Variants in PPIB observed in about 807,000 individuals in gnomAD.
PPIB encodes peptidylprolyl isomerase B.
PPIB carries 15 observed loss-of-function variants against 20.1 expected under a neutral mutation model. The ratio of observed to expected loss-of-function variants is 0.75; its 90% CI spans 0.50 to 1.15. The LOEUF (loss-of-function observed/expected upper bound fraction) is 1.15, where lower values mean the gene tolerates loss of function less well. PPIB is among the 50% of genes most tolerant of loss of function. PPIB has a pLI of 0.00. For missense variants in PPIB, 278 were observed against 283.0 expected (o/e 0.98, Z 0.13); for synonymous variants, 129 against 111.0 (o/e 1.16, Z -1.02).
chr15:64,162,686 G>A (rs2081569464), intron 1 of PPIB, among the ~76,000 whole-genome samples, 166 bp downstream of exon 1: 1 of 152,218 alleles, frequency 6.6e-6, no homozygotes, highest in African/African-American at 2.4e-5. Context: ...CAGGGGCTGG[G>A]GGTGTCGGGG....
chr15:64,156,309 G>A lies in PPIB; in HGVS notation c.529-164C>T. The A allele has an allele frequency of 5.4e-6, 5 of 931,962 alleles. No homozygotes were observed. The highest frequency in any genetic ancestry group is 1.6e-5 in the African/African-American group (1 of 61,342). The allele number at this position is 931,962 out of a possible 1,614,324, so 57.7% of individuals were successfully genotyped here. A position where few individuals can be genotyped will look rare whatever the true frequency, so the allele number is the denominator to read the frequency against. On this transcript the variant is annotated intron_variant, in intron 4 of 4. Coordinates refer to ENST00000300026, the MANE Select transcript of PPIB (RefSeq NM_000942.5). The surrounding 1 kb of genome is among the most constrained non-coding windows in gnomAD (Gnocchi z 6.4). ...CTAACAGACTCCTGGCCAGAGCAGG[G>A]AGAATGCAGATTTGACGAGGGGGTA...
rs761972288 is a variant in PPIB at position 64,156,718 on chromosome 15, A to G, written c.528+7T>C. ...GCCCAGTAGTAGCCCTTGCTTCCAC[A>G]ACTCACCATGCCCTCTAGAACTTTG... is the stretch of plus-strand genomic sequence containing the variant. On this transcript the variant is annotated splice_region_variant and intron_variant, in intron 4 of 4. Transcript: ENST00000300026. The surrounding 1 kb of genome is among the most constrained non-coding windows in gnomAD (Gnocchi z 6.4). The G allele has an allele frequency of 1.2e-6, 2 of 1,614,138 alleles. No homozygotes were observed. Among genetic ancestry groups the G allele is most frequent in the South Asian group, 2.2e-5 (2 of 91,074 alleles).
rs138741187 is a variant in PPIB at position 64,156,896 on chromosome 15, G to A, written c.357C>T (p.Tyr119=). The change falls in exon 4 of 5, where the codon TAC becomes TAT. Residue 119 remains tyrosine (Y), a synonymous_variant. Transcript: ENST00000300026. This position sits in a 1 kb window ranked among gnomAD's most constrained non-coding sequence, Gnocchi z 6.4. The part of the protein sequence containing the change: ...RGDGTGGKSI[Y]GERFPDENFK... ...AGTTCTCATCGGGGAAGCGCTCACC[G>A]TAGATGCTCTTTCCTGGGAAAAAAG... is the stretch of plus-strand genomic sequence containing the variant. 2.8e-5 allele frequency: 45 copies of A among 1,614,004 alleles called. No individual in the cohort carries two copies. The highest frequency in any genetic ancestry group is 1.7e-4 in the African/African-American group (13 of 74,918).
In PPIB at chr15:64,156,330, G is replaced by A. The variant is rs890861630; in HGVS notation, c.529-185C>T. On this transcript the variant is annotated intron_variant, in intron 4 of 4. Coordinates refer to ENST00000300026, the MANE Select transcript of PPIB (RefSeq NM_000942.5). This position sits in a 1 kb window ranked among gnomAD's most constrained non-coding sequence, Gnocchi z 6.4. The stretch of plus-strand genomic sequence containing the variant: ...CAGGGAGAATGCAGATTTGACGAGG[G>A]GGTACAGGAATTTTGTTCCTTTGAA... The A allele has an allele frequency of 1.2e-6, 1 of 822,100 alleles. No individual in the cohort carries two copies. The highest frequency in any genetic ancestry group is 1.7e-5 in the African/African-American group (1 of 59,252). The allele number at this position is 822,100 out of a possible 1,614,324, so 50.9% of individuals were successfully genotyped here. A position where few individuals can be genotyped will look rare whatever the true frequency, so the allele number is the denominator to read the frequency against.
Position 64,161,952 on chromosome 15 carries a change from A to G in PPIB, c.249+89T>C. The G allele has an allele frequency of 1.1e-6, 1 of 925,706 alleles. No individual in the cohort carries two copies. Among genetic ancestry groups the G allele is most frequent in the Non-Finnish European group, 1.8e-6 (1 of 553,822 alleles). The allele number at this position is 925,706 out of a possible 1,614,324, so 57.3% of individuals were successfully genotyped here. On this transcript the variant is annotated intron_variant, in intron 2 of 4. Transcript: ENST00000300026. The surrounding 1 kb of genome is among the most constrained non-coding windows in gnomAD (Gnocchi z 4.2). Reference sequence around the variant, plus strand: ...GTGCTCAGTGAGGTCCACGCTACAGATCGGCTGAACTCTGCAGGTCAGTTT... The same window carrying G: ...GTGCTCAGTGAGGTCCACGCTACAGGTCGGCTGAACTCTGCAGGTCAGTTT...
chr15:64,156,021 C>T lies in PPIB; in HGVS notation c.*2G>A. 12 of 1,614,142 alleles carry T rather than the reference C, an allele frequency of 7.4e-6. No individual in the cohort carries two copies. The highest frequency in any genetic ancestry group is 1.0e-5 in the Non-Finnish European group (12 of 1,180,020). On this transcript the variant is annotated 3_prime_UTR_variant, in exon 5 of 5. Transcript: ENST00000300026. This position sits in a 1 kb window ranked among gnomAD's most constrained non-coding sequence, Gnocchi z 6.4. ...TCACTCAAAGAAAGATGTCCCTGTGCCCTACTCCTTGGCGATGGCAAAGGG... is the reference window on the plus strand; with the variant it reads ...TCACTCAAAGAAAGATGTCCCTGTGTCCTACTCCTTGGCGATGGCAAAGGG...
rs2081558273 is a variant in PPIB, at chr15:64,160,285, ACTC to A, written c.250-91_250-89del. On this transcript the variant is annotated intron_variant, in intron 2 of 4. Transcript: ENST00000300026. The surrounding 1 kb of genome is among the most constrained non-coding windows in gnomAD (Gnocchi z 4.8). ...TAGGCCTCACAGGAACAAGTCCACAACTCCTGCTCGCAGAAGAGACACCACTGC... is the reference window on the plus strand; with the variant it reads ...TAGGCCTCACAGGAACAAGTCCACAACTGCTCGCAGAAGAGACACCACTGC... 3.8e-6 allele frequency: 4 copies of A among 1,066,376 alleles called. No individual in the cohort carries two copies. Among genetic ancestry groups the A allele is most frequent in the African/African-American group, 3.1e-5 (2 of 63,950 alleles). 66.1% of individuals were successfully genotyped at this position (1,066,376 alleles called of 1,614,324 possible). A position where few individuals can be genotyped will look rare whatever the true frequency, so the allele number is the denominator to read the frequency against.
rs2081539464 is a variant in PPIB at position 64,157,158 on chromosome 15, T to C, written c.344-249A>G. ...TCACAGAAGGATTACTTTGAGAAGA[T>C]AGTTTTGTGGCTTTTAAATAAGGCG... On this transcript the variant is annotated intron_variant, in intron 3 of 4. Transcript: ENST00000300026. This position sits in a 1 kb window ranked among gnomAD's most constrained non-coding sequence, Gnocchi z 4.2. The C allele has an allele frequency of 1.8e-6, 1 of 566,472 alleles. No homozygotes were observed. Among genetic ancestry groups the C allele is most frequent in the South Asian group, 2.2e-5 (1 of 46,368 alleles). 35.1% of individuals were successfully genotyped at this position (566,472 alleles called of 1,614,324 possible).
rs761099119 is a variant in PPIB, at chr15:64,162,076, T to A, written c.214A>T (p.Thr72Ser). The A allele has an allele frequency of 1.2e-6, 2 of 1,613,976 alleles. No homozygotes were observed. Residue 72 changes from threonine to serine, a missense_variant, in exon 2 of 5, where the codon ACA (threonine) becomes TCA (serine). Physicochemically the swap from Thr to Ser is moderately conservative, Grantham distance 58. Transcript: ENST00000300026. ...FGLFGKTVPK[T>S]VDNFVALATG... ...GCTAAGGCCACAAAATTATCCACTG[T>A]TTTTGGAACAGTCTTTCCGAAGAGA... is the stretch of plus-strand genomic sequence containing the variant.
Position 64,161,758 on chromosome 15 carries a change from A to G in PPIB, c.249+283T>C, listed in dbSNP as rs1281670039. Among the ~76,000 whole-genome samples the G allele has an allele frequency of 6.6e-6, 1 of 151,934 alleles. No individual in the cohort carries two copies. Among genetic ancestry groups the G allele is most frequent in the Non-Finnish European group, 1.5e-5 (1 of 67,970 alleles). On this transcript the variant is annotated intron_variant, in intron 2 of 4. Transcript: ENST00000300026. The surrounding 1 kb of genome is among the most constrained non-coding windows in gnomAD (Gnocchi z 4.2). Reference sequence around the variant, plus strand: ...AAAAAAAATTTGCGGGGGTAGAGACAGGGTCTTGCTATGTTGCTCAGGTTG... The same window carrying G: ...AAAAAAAATTTGCGGGGGTAGAGACGGGGTCTTGCTATGTTGCTCAGGTTG...
rs903613138 is a variant in PPIB, at chr15:64,160,022, C to A, written c.343+82G>T. ...CCTCTAGAGCTGGGGAAGAAAGAGG[C>A]CTGGTCTCCCCAGCAGAACCTGGCC... On this transcript the variant is annotated intron_variant, in intron 3 of 4. Coordinates refer to ENST00000300026, the MANE Select transcript of PPIB (RefSeq NM_000942.5). This position sits in a 1 kb window ranked among gnomAD's most constrained non-coding sequence, Gnocchi z 4.8. 8.2e-7 allele frequency: 1 copy of A among 1,218,664 alleles called. No homozygotes were observed. Among genetic ancestry groups the A allele is most frequent in the Admixed American group, 1.7e-5 (1 of 58,610 alleles). 75.5% of individuals were successfully genotyped at this position (1,218,664 alleles called of 1,614,324 possible).
At position 64,158,549 on chromosome 15, in the gene PPIB, C is replaced by T. The variant is rs2081548070; in HGVS notation, c.343+1555G>A. ...GCCTGCCTGCCCTAGCCTCCACATCCTGGATCTGCCACCACATGACTCCCC... is the reference window on the plus strand; with the variant it reads ...GCCTGCCTGCCCTAGCCTCCACATCTTGGATCTGCCACCACATGACTCCCC... On this transcript the variant is annotated intron_variant, in intron 3 of 4. Coordinates refer to ENST00000300026, the MANE Select transcript of PPIB (RefSeq NM_000942.5). The surrounding 1 kb of genome is among the most constrained non-coding windows in gnomAD (Gnocchi z 4.7). Among the ~76,000 whole-genome samples the T allele has an allele frequency of 6.6e-6, 1 of 152,238 alleles. No individual in the cohort carries two copies. Among genetic ancestry groups the T allele is most frequent in the African/African-American group, 2.4e-5 (1 of 41,460 alleles).
Position 64,156,290 on chromosome 15 carries a change from G to C in PPIB, c.529-145C>G. The C allele has an allele frequency of 9.5e-7, 1 of 1,051,868 alleles. No homozygotes were observed. The highest frequency in any genetic ancestry group is 1.3e-5 in the South Asian group (1 of 74,774). The allele number at this position is 1,051,868 out of a possible 1,614,324, so 65.2% of individuals were successfully genotyped here. On this transcript the variant is annotated intron_variant, in intron 4 of 4. Coordinates refer to ENST00000300026, the MANE Select transcript of PPIB (RefSeq NM_000942.5). The surrounding 1 kb of genome is among the most constrained non-coding windows in gnomAD (Gnocchi z 6.4). ...AACTGGAGGCACCAAAATTCTAACA[G>C]ACTCCTGGCCAGAGCAGGGAGAATG...
chr15:64,157,825 C>CTGAT lies in PPIB; in HGVS notation c.344-920_344-917dup. ...ACAGATGCCAACCAGGAAGATGTTTCTGATTGGGCAGCAGGTAGGATGACT... is the reference window on the plus strand; with the variant it reads ...ACAGATGCCAACCAGGAAGATGTTTCTGATTGATTGGGCAGCAGGTAGGATGACT... On this transcript the variant is annotated intron_variant, in intron 3 of 4. Coordinates refer to ENST00000300026, the MANE Select transcript of PPIB (RefSeq NM_000942.5). This position sits in a 1 kb window ranked among gnomAD's most constrained non-coding sequence, Gnocchi z 4.2. Among the ~76,000 whole-genome samples, 1 of 152,316 alleles carries CTGAT rather than the reference C, an allele frequency of 6.6e-6. No homozygotes were observed. The highest frequency in any genetic ancestry group is 1.9e-4 in the East Asian group (1 of 5,182).
rs773405777 is a variant in PPIB, at chr15:64,156,819, T to C, written c.434A>G (p.Lys145Arg). 5.0e-6 allele frequency: 8 copies of C among 1,614,212 alleles called. No individual in the cohort carries two copies. Among genetic ancestry groups the C allele is most frequent in the Non-Finnish European group, 5.9e-6 (7 of 1,180,028 alleles). The change falls in exon 4 of 5, where the codon AAA (lysine) becomes AGA (arginine). Residue 145 changes from lysine (K) to arginine (R), a missense_variant. Physicochemically the swap from Lys to Arg is conservative, Grantham distance 26. Coordinates refer to ENST00000300026, the MANE Select transcript of PPIB (RefSeq NM_000942.5). The surrounding 1 kb of genome is among the most constrained non-coding windows in gnomAD (Gnocchi z 6.4). ...GAAGAACTGGGAGCCGTTGGTGTCT[T>C]TGCCTGCGTTGGCCATGCTCACCCA... is the stretch of plus-strand genomic sequence containing the variant. ...PGWVSMANAG[K>R]DTNGSQFFIT...
At position 64,156,941 on chromosome 15, in the gene PPIB, C is replaced by T. The variant is rs775555112; in HGVS notation, c.344-32G>A. 6.2e-7 allele frequency: 1 copy of T among 1,609,740 alleles called. No individual in the cohort carries two copies. The highest frequency in any genetic ancestry group is 1.1e-5 in the South Asian group (1 of 90,944). The stretch of plus-strand genomic sequence containing the variant: ...AAAAAGACAGAGCAGGTCAGGGGCG[C>T]TGGATTGCGCCAAACCAAGCAGACA... On this transcript the variant is annotated intron_variant, in intron 3 of 4. Transcript: ENST00000300026. The surrounding 1 kb of genome is among the most constrained non-coding windows in gnomAD (Gnocchi z 6.4).
Position 64,155,961 on chromosome 15 carries a change from A to C in PPIB, c.*62T>G. ...CAGCACCGGGGCCAGTGCAGCTCAG[A>C]GCCCTGTGGCGGACTACAGGGCCTG... On this transcript the variant is annotated 3_prime_UTR_variant, in exon 5 of 5. Coordinates refer to ENST00000300026, the MANE Select transcript of PPIB (RefSeq NM_000942.5). 1 of 1,612,118 alleles carries C rather than the reference A, an allele frequency of 6.2e-7. No homozygotes were observed. Among genetic ancestry groups the C allele is most frequent in the South Asian group, 1.1e-5 (1 of 91,038 alleles).
rs749807799 is a variant in PPIB at position 64,161,386 on chromosome 15, G to A, written c.249+655C>T. 2.6e-5 allele frequency among the ~76,000 whole-genome samples: 4 copies of A among 151,924 alleles called. No homozygotes were observed. Among genetic ancestry groups the A allele is most frequent in the East Asian group, 1.9e-4 (1 of 5,170 alleles). On this transcript the variant is annotated intron_variant, in intron 2 of 4. Transcript: ENST00000300026. This position sits in a 1 kb window ranked among gnomAD's most constrained non-coding sequence, Gnocchi z 4.2. ...TTTCACTTCAGCCTCCTGAGTAGCT[G>A]TAGCTGGGACCACAGGTGCACCCCG...
rs773782683 is a variant in PPIB at position 64,158,787 on chromosome 15, G to C, written c.343+1317C>G. Among the ~76,000 whole-genome samples the C allele has an allele frequency of 7.9e-5, 12 of 152,192 alleles. No individual in the cohort carries two copies. Among genetic ancestry groups the C allele is most frequent in the Non-Finnish European group, 1.8e-4 (12 of 68,032 alleles). On this transcript the variant is annotated intron_variant, in intron 3 of 4. Coordinates refer to ENST00000300026, the MANE Select transcript of PPIB (RefSeq NM_000942.5). The surrounding 1 kb of genome is among the most constrained non-coding windows in gnomAD (Gnocchi z 4.7). Reference sequence around the variant, plus strand: ...TGCCCGTTCAAATTCTCCTCATTGAGGACCCCACTGAAATCTTTCCTCACA... The same window carrying C: ...TGCCCGTTCAAATTCTCCTCATTGACGACCCCACTGAAATCTTTCCTCACA...
Sources: gnomAD v4.1 joint callset for allele counts (sites outside exome capture counted in the v4.1 genomes callset) on GRCh38, gnomAD v4.1.1 for gene constraint, Gnocchi (gnomAD v3.1) non-coding constraint, MANE v1.5 for transcripts, NCBI Gene and HGNC (gene_info 2026-07-23, HGNC 2026-07-21) for gene names.